TSPEAR: variants seen among roughly 807,000 people sequenced by gnomAD.
TSPEAR encodes thrombospondin-type laminin G domain and EAR repeat-containing protein.
A neutral mutation model predicts 71.6 loss-of-function variants in TSPEAR; 69 were observed. That is an observed-to-expected ratio of 0.96 (90% CI 0.79 to 1.18). The LOEUF (loss-of-function observed/expected upper bound fraction) is 1.18, where lower values mean the gene tolerates loss of function less well. Among genes scored for constraint, TSPEAR ranks in the 50% most tolerant of loss-of-function variants. The pLI, the probability that TSPEAR is intolerant of heterozygous loss-of-function variation, is 0.00. For synonymous variants in TSPEAR, 402 were observed against 387.2 expected (o/e 1.04, Z -0.45); for missense variants, 971 against 894.9 (o/e 1.09, Z -1.09).
chr21:44,701,498 A>G (rs909841771), intron 1 of TSPEAR, among the ~76,000 whole-genome samples: 5 of 152,234 alleles, frequency 3.3e-5, no homozygotes, highest in Non-Finnish European at 5.9e-5. Context: ...CGAAATAATC[A>G]TACAACTCAC....
rs1159854835 is a variant in TSPEAR at position 44,498,512 on chromosome 21, G to A, written c.*1271C>T. ...ACCTGAGCCCCGGAAAAACACGAAG[G>A]TCCCAAAGCCGGCAAAAGTAGACAC... is the stretch of plus-strand genomic sequence containing the variant. On this transcript the variant is annotated 3_prime_UTR_variant, in exon 12 of 12. Coordinates refer to ENST00000323084, the MANE Select transcript of TSPEAR (RefSeq NM_144991.3). 1.3e-5 allele frequency: 2 copies of A among 152,254 alleles called. No individual in the cohort carries two copies. The highest frequency in any genetic ancestry group is 1.3e-4 in the Admixed American group (2 of 15,284). 9.4% of individuals were successfully genotyped at this position (152,254 alleles called of 1,614,324 possible). A position where few individuals can be genotyped will look rare whatever the true frequency, so the allele number is the denominator to read the frequency against.
At chr21:44,688,956 G>A (rs1247218956) in intron 1 of TSPEAR, among the ~76,000 whole-genome samples, 1 of 152,082 alleles carries the variant, frequency 6.6e-6, no homozygotes, top group Non-Finnish European at 1.5e-5. Flanking sequence ...GGCTCCCATC[G>A]CTTTTACTCC....
At position 44,654,425 on chromosome 21, in the gene TSPEAR, T is replaced by G. The variant is rs201843345; in HGVS notation, c.82+57008A>C. Reference sequence around the variant, plus strand: ...ACACAGCAGGCCACCTGGCAGGGGCTGGGCACACAGCAGGCTGGCTGGCAG... The same window carrying G: ...ACACAGCAGGCCACCTGGCAGGGGCGGGGCACACAGCAGGCTGGCTGGCAG... On this transcript the variant is annotated intron_variant, in intron 1 of 11. Transcript: ENST00000323084. 3.6e-4 allele frequency: 573 copies of G among 1,613,946 alleles called. 1 individual carries two copies. The highest frequency in any genetic ancestry group is 3.8e-4 in the Non-Finnish European group (448 of 1,179,984).
chr21:44,521,482 C>G (rs1555914242), intron 9 of TSPEAR, among the ~76,000 whole-genome samples: 1 of 152,208 alleles, frequency 6.6e-6, no homozygotes, highest in East Asian at 1.9e-4. Flanking sequence ...CCAAGCTGCC[C>G]AGCTGCCCCA....
At chr21:44,649,373 C>T (rs984389243) in intron 1 of TSPEAR, among the ~76,000 whole-genome samples, 7 of 152,168 alleles carry the variant, frequency 4.6e-5, no homozygotes, top group Non-Finnish European at 7.4e-5. Context: ...ATCCTGGTAA[C>T]GGAAGTTTCT....
At chr21:44,563,986 G>A (rs1031244601) in intron 2 of TSPEAR, among the ~76,000 whole-genome samples, 1 of 152,112 alleles carries the variant, frequency 6.6e-6, no homozygotes, top group African/African-American at 2.4e-5. Context: ...CCATGCCTGA[G>A]GGCCATTTTA....
chr21:44,584,911 T>G lies in TSPEAR; in HGVS notation c.83-16906A>C, dbSNP rs180950370. On this transcript the variant is annotated intron_variant, in intron 1 of 11. Transcript: ENST00000323084. Reference sequence around the variant, plus strand: ...TTAGAACACAGTCCATTCATTTATATTTTCAAATTTTAGGATAAACATACC... The same window carrying G: ...TTAGAACACAGTCCATTCATTTATAGTTTCAAATTTTAGGATAAACATACC... Among the ~76,000 whole-genome samples the G allele has an allele frequency of 1.8e-3, 272 of 152,364 alleles. 1 individual carries two copies. Among genetic ancestry groups the G allele is most frequent in the African/African-American group, 6.3e-3 (260 of 41,578 alleles).
In TSPEAR at chr21:44,567,859, A is replaced by T; in HGVS notation, c.229T>A (p.Phe77Ile). The T allele has an allele frequency of 6.2e-7, 1 of 1,609,334 alleles. No individual in the cohort carries two copies. Among genetic ancestry groups the T allele is most frequent in the East Asian group, 2.2e-5 (1 of 44,772 alleles). Residue 77 changes from phenylalanine to isoleucine, a missense_variant, in exon 2 of 12, where the codon TTC (phenylalanine) becomes ATC (isoleucine). Physicochemically the swap from Phe to Ile is conservative, Grantham distance 21. Transcript: ENST00000323084. The stretch of plus-strand genomic sequence containing the variant: ...TCAGGGAAGAGGTCACACTGGGAGA[A>T]AATCCTGGATGCTGGGAAGCTCATG... Reference protein sequence around the residue: ...RTMSFPASRIFSQCDLFPEEF... With the variant: ...RTMSFPASRIISQCDLFPEEF...
At chr21:44,549,419 G>A (rs2838587) in intron 2 of TSPEAR, among the ~76,000 whole-genome samples, 28 of 152,314 alleles carry the variant, frequency 1.8e-4, no homozygotes, top group South Asian at 1.0e-3. Context: ...TCCACCTGGC[G>A]TTGCAGACAC....
chr21:44,573,579 T>C (rs1978293039), intron 1 of TSPEAR: 1 of 1,097,258 alleles, frequency 9.1e-7, no homozygotes, highest in Admixed American at 2.7e-5. Flanking sequence ...AGCTACTGTT[T>C]ATTCTCCTGG....
chr21:44,631,168 T>C (rs782764900), intron 1 of TSPEAR, among the ~76,000 whole-genome samples: 22 of 151,590 alleles, frequency 1.5e-4, no homozygotes, highest in Non-Finnish European at 2.4e-4. Context: ...CTCTTTTAAA[T>C]ATACTCAAAG....
At chr21:44,536,646 T>A (rs183437387) in intron 2 of TSPEAR, among the ~76,000 whole-genome samples, 2 of 152,364 alleles carry the variant, frequency 1.3e-5, no homozygotes, top group Non-Finnish European at 2.9e-5. Context: ...AAGGATTCTT[T>A]TAATTTTATT....
chr21:44,505,251 G>A (rs587671017), intron 10 of TSPEAR, among the ~76,000 whole-genome samples: 5 of 151,748 alleles, frequency 3.3e-5, no homozygotes, highest in Non-Finnish European at 7.4e-5. Context: ...GCTAATTTTT[G>A]TATTTGTAGT....
intron 2 of TSPEAR, chr21:44,551,425 C>A (rs376716122): frequency 1.2e-6 from 2 of 1,612,810 alleles, no homozygotes; most frequent in South Asian, 2.2e-5. Flanking sequence ...TTGGTGCAGG[C>A]GCTGGAGCAG....
At chr21:44,651,286 G>C (rs74546138) in intron 1 of TSPEAR, among the ~76,000 whole-genome samples, 2,190 of 152,248 alleles carry the variant, frequency 0.014, 56 homozygotes, top group African/African-American at 0.05. Flanking sequence ...GCCCCAGACA[G>C]CTCACGGCTG....
At chr21:44,656,240 T>C (rs142404798) in intron 1 of TSPEAR, among the ~76,000 whole-genome samples, 1 of 152,352 alleles carries the variant, frequency 6.6e-6, no homozygotes, top group East Asian at 1.9e-4. Flanking sequence ...GCGTCTTTGA[T>C]ATTTATCTGC....
At chr21:44,632,028 A>G (rs1983286009) in intron 1 of TSPEAR, among the ~76,000 whole-genome samples, 1 of 152,196 alleles carries the variant, frequency 6.6e-6, no homozygotes, top group South Asian at 2.1e-4. Context: ...TTATGAATGT[A>G]TTTAATATCA....
At position 44,711,156 on chromosome 21, in the gene TSPEAR, C is replaced by T. The variant is rs938976261; in HGVS notation, c.82+277G>A. 6.6e-6 allele frequency among the ~76,000 whole-genome samples: 1 copy of T among 152,308 alleles called. No homozygotes were observed. The highest frequency in any genetic ancestry group is 1.9e-4 in the East Asian group (1 of 5,182). On this transcript the variant is annotated intron_variant, in intron 1 of 11. Coordinates refer to ENST00000323084, the MANE Select transcript of TSPEAR (RefSeq NM_144991.3). This position sits in a 1 kb window ranked among gnomAD's most constrained non-coding sequence, Gnocchi z 4.5. ...AGCAGGTAAGCACTTGTGGAGGCCC[C>T]GGTGGCTGCTGGTTAGCTCTTGAAG...
chr21:44,696,766 C>T (rs1201667995), intron 1 of TSPEAR, among the ~76,000 whole-genome samples: 8 of 152,222 alleles, frequency 5.3e-5, no homozygotes, highest in Admixed American at 5.2e-4. Flanking sequence ...CTGTGGTCCA[C>T]GCAGAGGCTG....
Sources: allele counts gnomAD v4.1 joint callset (sites outside exome capture counted in the v4.1 genomes callset), GRCh38; gene constraint gnomAD v4.1.1; non-coding constraint Gnocchi (gnomAD v3.1); transcripts MANE v1.5; gene names NCBI Gene and HGNC (gene_info 2026-07-23, HGNC 2026-07-21).